Variants in RBFOX1 observed in about 807,000 individuals in gnomAD.
RBFOX1 encodes RNA binding protein fox-1 homolog 1.
RBFOX1 carries 8 observed loss-of-function variants against 57.7 expected under a neutral mutation model. The observed-to-expected ratio is 0.14, with a 90% confidence interval of 0.08 to 0.25. RBFOX1 has a LOEUF of 0.25. Ranked by LOEUF, RBFOX1 falls within the 10% of genes least tolerant of loss-of-function variation. The pLI is 1.00. For missense variants in RBFOX1, 611 were observed against 548.5 expected (o/e 1.11, Z -1.14); for synonymous variants, 326 against 222.4 (o/e 1.47, Z -4.15).
rs2053397589 is a variant in RBFOX1, at chr16:5,756,376, A to G, written c.319-110927A>G. ...CCTAGCAAAACTGGAAAAGCTACAG[A>G]CATGGCAGTGAGAAAAGATGGATAC... On this transcript the variant is annotated intron_variant, in intron 3 of 19. Transcript: ENST00000641259. 5.3e-5 allele frequency among the ~76,000 whole-genome samples: 8 copies of G among 152,164 alleles called. No individual in the cohort carries two copies. In the South Asian group the frequency reaches 1.7e-3, roughly 32 times the overall value.
chr16:5,241,059 T>A lies in RBFOX1; in HGVS notation c.219+954T>A, dbSNP rs556274196. 3.3e-5 allele frequency among the ~76,000 whole-genome samples: 5 copies of A among 152,360 alleles called. No individual in the cohort carries two copies. In the South Asian group the frequency reaches 1.0e-3, roughly 32 times the overall value. On this transcript the variant is annotated intron_variant, in intron 1 of 2. Transcript: ENST00000585867. ...AGCTGAGCTTGTCTTAATAATTTGA[T>A]TCGTGGTTAATGAGCCCCACATGGG...
chr16:7,526,642 A>G (rs1046638610), intron 5 of RBFOX1, among the ~76,000 whole-genome samples: 1 of 152,228 alleles, frequency 6.6e-6, no homozygotes, highest in Non-Finnish European at 1.5e-5. Context: ...CCGTCTAAAA[A>G]TAGGGTGAAT....
chr16:7,258,190 G>T (rs1014702379), intron 4 of RBFOX1, among the ~76,000 whole-genome samples: 1 of 152,172 alleles, frequency 6.6e-6, no homozygotes, highest in African/African-American at 2.4e-5. Flanking sequence ...GGTTAACAAT[G>T]TGCCATGTAC....
At chr16:7,667,624 C>A (rs189796644) in intron 13 of RBFOX1, among the ~76,000 whole-genome samples, 1 of 152,148 alleles carries the variant, frequency 6.6e-6, no homozygotes, top group African/African-American at 2.4e-5. Flanking sequence ...CAATTGTCAG[C>A]GGCCCCGGGA....
chr16:5,920,910 ACG>A (rs879878822), intron 4 of RBFOX1, among the ~76,000 whole-genome samples: 32,500 of 151,834 alleles, frequency 0.21, 3,700 homozygotes, highest in East Asian at 0.31. Context: ...GTCTATTTGT[ACG>A]TGCAGTGGTG....
At chr16:5,250,643 C>T (rs13338003) in intron 1 of RBFOX1, among the ~76,000 whole-genome samples, 3 of 152,188 alleles carry the variant, frequency 2.0e-5, no homozygotes, top group Non-Finnish European at 4.4e-5. Flanking sequence ...TATATTCATT[C>T]TTCGGAAAGC....
chr16:7,303,757 C>G (rs1161329925), intron 4 of RBFOX1, among the ~76,000 whole-genome samples: 1 of 146,482 alleles, frequency 6.8e-6, no homozygotes, highest in Non-Finnish European at 1.5e-5. Flanking sequence ...TACCCTCCCT[C>G]TCGCTCTCTC....
At chr16:6,740,490 C>T (rs371675301) in intron 3 of RBFOX1, among the ~76,000 whole-genome samples, 18 of 152,102 alleles carry the variant, frequency 1.2e-4, no homozygotes, top group African/African-American at 3.4e-4. Context: ...GAGTAAACAC[C>T]AAAAATTTAA....
At chr16:6,612,953 C>G (rs1033392342) in intron 2 of RBFOX1, among the ~76,000 whole-genome samples, 1 of 151,678 alleles carries the variant, frequency 6.6e-6, no homozygotes, top group African/African-American at 2.4e-5. Context: ...CAAACAAAGC[C>G]CCCGTACAGT....
intron 1 of RBFOX1, among the ~76,000 whole-genome samples, chr16:5,296,709 C>T (rs538488674): frequency 2.6e-4 from 39 of 147,284 alleles, no homozygotes; most frequent in African/African-American, 7.3e-4. Context: ...GATGGAGTGT[C>T]GCTCCGTCAT....
intron 1 of RBFOX1, among the ~76,000 whole-genome samples, chr16:5,404,988 A>G (rs1245881184): frequency 6.6e-6 from 1 of 152,232 alleles, no homozygotes; most frequent in African/African-American, 2.4e-5. Context: ...TCTACATGCC[A>G]TGGACTATTT....
intron 3 of RBFOX1, among the ~76,000 whole-genome samples, chr16:5,755,657 G>C (rs2053366853): frequency 6.6e-6 from 1 of 152,176 alleles, no homozygotes. Context: ...AGAGTACAAA[G>C]GTGCAATTTT....
At chr16:7,130,114 C>T (rs1015534169) in intron 4 of RBFOX1, among the ~76,000 whole-genome samples, 1 of 150,664 alleles carries the variant, frequency 6.6e-6, no homozygotes. Flanking sequence ...CCCACTGCAA[C>T]CTCTGCCTCC....
intron 1 of RBFOX1, among the ~76,000 whole-genome samples, chr16:5,249,569 T>A (rs1252311075): frequency 6.6e-6 from 1 of 152,246 alleles, no homozygotes; most frequent in East Asian, 1.9e-4. Flanking sequence ...CCTTGGACTC[T>A]TGGAATTGGG....
chr16:6,573,832 C>T (rs1402781315), intron 2 of RBFOX1: 1 of 152,186 alleles, frequency 6.6e-6, no homozygotes, highest in African/African-American at 2.4e-5. Context: ...GCAGTGACAC[C>T]CGCTGGCCTC....
chr16:5,449,689 A>C (rs892066828), intron 1 of RBFOX1, among the ~76,000 whole-genome samples: 8 of 152,140 alleles, frequency 5.3e-5, no homozygotes, highest in Non-Finnish European at 1.2e-4. Context: ...GCTCACTGCA[A>C]CCGCAAACTC....
At chr16:5,556,799 C>A (rs1360155079) in intron 2 of RBFOX1, among the ~76,000 whole-genome samples, 1 of 152,232 alleles carries the variant, frequency 6.6e-6, no homozygotes. Context: ...TCTGTGGCCA[C>A]ATAAGTTTGA....
chr16:7,410,157 G>T (rs1279952750), intron 4 of RBFOX1, among the ~76,000 whole-genome samples: 3 of 151,318 alleles, frequency 2.0e-5, no homozygotes, highest in African/African-American at 7.3e-5. Context: ...CTTTCCTACA[G>T]CGCAACTTAA....
intron 2 of RBFOX1, among the ~76,000 whole-genome samples, chr16:6,423,320 C>G (rs539140475): frequency 1.3e-5 from 2 of 152,302 alleles, no homozygotes; most frequent in Admixed American, 1.3e-4. Context: ...TCTTCCTGAC[C>G]AGGCGTGGTG....
Sources: allele counts gnomAD v4.1 joint callset (sites outside exome capture counted in the v4.1 genomes callset), GRCh38; gene constraint gnomAD v4.1.1; transcripts MANE v1.5; gene names NCBI Gene and HGNC (gene_info 2026-07-23, HGNC 2026-07-21).